Variants in XKRX observed in about 807,000 individuals in gnomAD.
The protein encoded by XKRX is XK-related protein 2.
XKRX carries 11 observed loss-of-function variants against 22.4 expected under a neutral mutation model. The observed-to-expected ratio is 0.49, with a 90% CI of 0.31 to 0.81. The LOEUF (loss-of-function observed/expected upper bound fraction) is 0.81. Among genes scored for constraint, XKRX ranks in the 40% least tolerant of loss-of-function variants. The pLI, the probability that XKRX is intolerant of heterozygous loss-of-function variation, is 0.05. For missense variants in XKRX, 320 were observed against 336.5 expected (o/e 0.95, Z 0.38); for synonymous variants, 114 against 132.2 (o/e 0.86, Z 0.94).
chrX:100,933,894 C>T (rs1339921957), upstream of XKRX, among the ~76,000 whole-genome samples: 1 of 111,187 alleles, frequency 9.0e-6, no homozygotes, highest in African/African-American at 3.3e-5. Context: ...TTGGAAATAA[C>T]TCATATGCCA....
At chrX:100,892,956 A>C in the XKRX span, among the ~76,000 whole-genome samples, 3 of 112,467 alleles carry the variant, frequency 2.7e-5, no homozygotes. Context: ...ATGGATAAAG[A>C]AAATGTGGTA....
chrX:100,951,501 TAAGTACCCA>T, the XKRX span, among the ~76,000 whole-genome samples: 1 of 109,648 alleles, frequency 9.1e-6, no homozygotes, highest in Non-Finnish European at 1.9e-5. Context: ...ACAAATAATC[TAAGTACCCA>T]TCTCACCTTA....
chrX:100,950,912 T>C, the XKRX span, among the ~76,000 whole-genome samples: 1 of 111,300 alleles, frequency 9.0e-6, no homozygotes, highest in African/African-American at 3.3e-5. Context: ...CAACAAAATT[T>C]ATAGGACTAA....
At chrX:100,918,410 G>T (rs1360449473) in intron 2 of XKRX, among the ~76,000 whole-genome samples, 1 of 111,790 alleles carries the variant, frequency 8.9e-6, no homozygotes, top group Non-Finnish European at 1.9e-5. Context: ...ATCCAGCTGT[G>T]TGGCGATGCT....
chrX:100,934,698 A>G, the XKRX span, among the ~76,000 whole-genome samples: 1 of 112,022 alleles, frequency 8.9e-6, no homozygotes, highest in African/African-American at 3.2e-5. Context: ...GATCATTTGC[A>G]TGAATATGTG....
At chrX:100,951,778 T>C in the XKRX span, among the ~76,000 whole-genome samples, 1 of 111,849 alleles carries the variant, frequency 8.9e-6, no homozygotes, top group Non-Finnish European at 1.9e-5. Flanking sequence ...TCTGCATGGA[T>C]AGATTTGATA....
At chrX:100,937,590 T>C in the XKRX span, among the ~76,000 whole-genome samples, 1 of 111,827 alleles carries the variant, frequency 8.9e-6, no homozygotes, top group South Asian at 3.8e-4. Context: ...CTACTCCTAG[T>C]ACAGTTTTAT....
chrX:100,919,814 A>C (rs1335443215), intron 2 of XKRX, among the ~76,000 whole-genome samples: 2 of 112,059 alleles, frequency 1.8e-5, no homozygotes, highest in East Asian at 5.5e-4. Context: ...AAATTCATAT[A>C]TCTTTTTGGA....
intron 2 of XKRX, among the ~76,000 whole-genome samples, chrX:100,918,012 G>T (rs1336704978): frequency 9.0e-6 from 1 of 111,305 alleles, no homozygotes; most frequent in Admixed American, 9.6e-5. Context: ...GACACAGGTG[G>T]CCCTTTCCTT....
rs2085507630 is a variant in XKRX at position 100,928,420 on chromosome X, T to C, written c.-116A>G. On this transcript the variant is annotated 5_prime_UTR_variant, in exon 1 of 3. Transcript: ENST00000372956. ...TATAGGTGAGGAGAGCTCTGTCAAG[T>C]CCAGTTTGGGAACAGAGATTCACTA... 2 of 1,138,336 alleles carry C rather than the reference T, an allele frequency of 1.8e-6. No individual in the cohort carries two copies. The highest frequency in any genetic ancestry group is 2.3e-6 in the Non-Finnish European group (2 of 863,300). The allele number at this position is 1,138,336 out of a possible 1,213,427, so 93.8% of individuals were successfully genotyped here.
chrX:100,903,189 T>C, the XKRX span, among the ~76,000 whole-genome samples: 1 of 111,073 alleles, frequency 9.0e-6, no homozygotes, highest in Admixed American at 9.6e-5. Flanking sequence ...GGCAAGAACG[T>C]TTCATCTCAG....
At chrX:100,887,253 T>C in the XKRX span, among the ~76,000 whole-genome samples, 1 of 110,336 alleles carries the variant, frequency 9.1e-6, no homozygotes, top group Non-Finnish European at 1.9e-5. Context: ...GCTGGGGAAA[T>C]TTACCAAGAT....
the XKRX span, among the ~76,000 whole-genome samples, chrX:100,953,903 TAAAAAAAA>T: frequency 3.6e-4 from 12 of 33,392 alleles, no homozygotes; most frequent in African/African-American, 1.2e-3. Flanking sequence ...AGTGAGACTC[TAAAAAAAA>T]AAAAAAAAAA....
At position 100,922,938 on chromosome X, in the gene XKRX, C is replaced by T; in HGVS notation, c.459G>A (p.Glu153=). The change falls in exon 2 of 3, where the codon GAG becomes GAA. Residue 153 remains glutamate, a synonymous_variant. Coordinates refer to ENST00000372956, the MANE Select transcript of XKRX (RefSeq NM_212559.3). ...IDGEEVLIEW[E]VGHSIRTLAM... ...CCAGGGTCCGGATGGAGTGGCCCAC[C>T]TCCCATTCTATCAGCACCTCCTCGC... The T allele has an allele frequency of 8.3e-7, 1 of 1,211,772 alleles. No homozygotes were observed. Among genetic ancestry groups the T allele is most frequent in the Non-Finnish European group, 1.1e-6 (1 of 895,539 alleles).
chrX:100,937,683 A>T, the XKRX span, among the ~76,000 whole-genome samples: 1 of 112,135 alleles, frequency 8.9e-6, no homozygotes, highest in African/African-American at 3.2e-5. Flanking sequence ...TCAACTTCAG[A>T]GTCATTCGCA....
chrX:100,920,745 G>A (rs2085467995), intron 2 of XKRX, among the ~76,000 whole-genome samples: 1 of 112,043 alleles, frequency 8.9e-6, no homozygotes, highest in Non-Finnish European at 1.9e-5. Flanking sequence ...TTTTGTGCAT[G>A]TATTACTTTT....
At chrX:100,913,383 TACACACACACACACAC>T (rs56001687), downstream of XKRX, 1 of 92,362 alleles carries the variant, frequency 1.1e-5, no homozygotes, top group African/African-American at 4.0e-5. Context: ...CACATACACA[TACACACACACACACAC>T]ACACACACAC....
chrX:100,955,410 T>C, the XKRX span, among the ~76,000 whole-genome samples: 1 of 112,291 alleles, frequency 8.9e-6, no homozygotes, highest in African/African-American at 3.2e-5. Flanking sequence ...CAGTGGCTGA[T>C]GCCTGTACTC....
At chrX:100,890,297 T>A in the XKRX span, among the ~76,000 whole-genome samples, 1 of 110,923 alleles carries the variant, frequency 9.0e-6, no homozygotes, top group South Asian at 3.9e-4. Flanking sequence ...CTAGGTAGAA[T>A]ATTAAAATGA....
Sources: gnomAD v4.1 joint callset for allele counts (sites outside exome capture counted in the v4.1 genomes callset) on GRCh38, gnomAD v4.1.1 for gene constraint, MANE v1.5 for transcripts, NCBI Gene and HGNC (gene_info 2026-07-23, HGNC 2026-07-21) for gene names.